The following PDE3B variants were observed in gnomAD, a reference collection of about 807,000 sequenced individuals.
PDE3B encodes cGMP-inhibited 3',5'-cyclic phosphodiesterase 3B.
Under a neutral mutation model 116.8 loss-of-function variants are expected in PDE3B, and 66 were observed. The observed-to-expected ratio is 0.56, with a 90% CI of 0.46 to 0.69. PDE3B has a LOEUF of 0.69. PDE3B is among the 30% of genes least tolerant of loss of function. The pLI is 0.00. For missense variants in PDE3B, 1,384 were observed against 1,368.1 expected (o/e 1.01, Z -0.18); for synonymous variants, 595 against 533.6 (o/e 1.12, Z -1.59).
intron 12 of PDE3B, among the ~76,000 whole-genome samples, chr11:14,856,996 CCTT>C (rs1555006289): frequency 6.6e-6 from 1 of 152,056 alleles, no homozygotes; most frequent in Non-Finnish European, 1.5e-5. Context: ...TGATCTAAGT[CCTT>C]CTTATGTCTG....
Position 14,867,574 on chromosome 11 carries a change from A to G in PDE3B, c.2955A>G (p.Ala985=), listed in dbSNP as rs891773278. 6.2e-7 allele frequency: 1 copy of G among 1,614,086 alleles called. No individual in the cohort carries two copies. Among genetic ancestry groups the G allele is most frequent in the Admixed American group, 1.7e-5 (1 of 60,006 alleles). The part of the protein sequence containing the change: ...PFMDRSSPQL[A]KLQESFITHI... Reference sequence around the variant, plus strand: ...TGGATCGTTCTTCTCCTCAACTAGCAAAACTCCAAGAATCTTTTATCACCC... The same window carrying G: ...TGGATCGTTCTTCTCCTCAACTAGCGAAACTCCAAGAATCTTTTATCACCC... The change falls in exon 15 of 16, where the codon GCA becomes GCG. Residue 985 remains alanine (A), a synonymous_variant. Transcript: ENST00000282096.
intron 1 of PDE3B, among the ~76,000 whole-genome samples, chr11:14,747,324 G>T (rs1437299476): frequency 6.6e-6 from 1 of 152,164 alleles, no homozygotes; most frequent in African/African-American, 2.4e-5. Context: ...TTGTTTCAGA[G>T]TGAATGATAC....
rs551600925 is a variant in PDE3B, at chr11:14,658,206, A to G, written c.978+13153A>G. Among the ~76,000 whole-genome samples the G allele has an allele frequency of 3.6e-4, 55 of 152,320 alleles. 1 individual carries two copies. The highest frequency in any genetic ancestry group is 1.3e-3 in the African/African-American group (53 of 41,572). ...CTAGGGGATAAATAAGTGAAAGGGT[A>G]GAGAGAGTCCAAAAATATTTAGCAA... On this transcript the variant is annotated intron_variant, in intron 1 of 15. Transcript: ENST00000282096.
chr11:14,760,347 A>G (rs1376172459), intron 1 of PDE3B, among the ~76,000 whole-genome samples: 4 of 152,228 alleles, frequency 2.6e-5, no homozygotes, highest in Non-Finnish European at 5.9e-5. Flanking sequence ...TTCTACAGAT[A>G]TTTATTAAAC....
chr11:14,773,806 G>T (rs943983321), intron 2 of PDE3B: 2 of 152,194 alleles, frequency 1.3e-5, no homozygotes, highest in African/African-American at 4.8e-5. Flanking sequence ...ATCTTTTTGA[G>T]GATTTCTACT....
At position 14,832,745 on chromosome 11, in the gene PDE3B, C is replaced by T; in HGVS notation, c.2118C>T (p.Asp706=). 7.0e-7 allele frequency: 1 copy of T among 1,433,456 alleles called. No individual in the cohort carries two copies. The highest frequency in any genetic ancestry group is 1.2e-5 in the South Asian group (1 of 82,162). The allele number at this position is 1,433,456 out of a possible 1,614,324, so 88.8% of individuals were successfully genotyped here. ...AGGTTATGTATACCTTATTTCAAGA[C>T]ACTGGTTTATTGGAAATATTTAAAA... ...LSQVMYTLFQ[D]TGLLEIFKIP... is the part of the protein sequence containing the mutation. The change falls in exon 10 of 16, where the codon GAC becomes GAT. Residue 706 remains aspartate, a synonymous_variant. Coordinates refer to ENST00000282096, the MANE Select transcript of PDE3B (RefSeq NM_000922.4).
intron 5 of PDE3B, among the ~76,000 whole-genome samples, chr11:14,809,086 C>G (rs1859041991): frequency 6.6e-6 from 1 of 152,128 alleles, no homozygotes; most frequent in African/African-American, 2.4e-5. Context: ...CGAGGACTCC[C>G]ACTTTCAAAT....
intron 4 of PDE3B, among the ~76,000 whole-genome samples, chr11:14,798,602 AT>A (rs1402128292): frequency 2.0e-5 from 3 of 152,080 alleles, no homozygotes; most frequent in Non-Finnish European, 2.9e-5. Context: ...TACTGCCTCC[AT>A]TTCAGAGCTT....
intron 13 of PDE3B, 65 bp downstream of exon 13, chr11:14,859,311 GT>G: frequency 9.1e-7 from 1 of 1,096,604 alleles, no homozygotes; most frequent in Non-Finnish European, 1.3e-6. Context: ...GATAAAATAT[GT>G]TTTTTAATGT....
chr11:14,834,495 A>G (rs567412956), intron 10 of PDE3B, among the ~76,000 whole-genome samples: 82 of 152,330 alleles, frequency 5.4e-4, no homozygotes, highest in African/African-American at 1.9e-3. Flanking sequence ...TTTATTGATC[A>G]TATATGATGT....
At chr11:14,852,599 T>C (rs1424204039) in intron 12 of PDE3B, among the ~76,000 whole-genome samples, 2 of 152,218 alleles carry the variant, frequency 1.3e-5, no homozygotes, top group African/African-American at 4.8e-5. Context: ...TGCCATTAGA[T>C]GAAGCCATAG....
At chr11:14,888,978 C>T in the PDE3B span, among the ~76,000 whole-genome samples, 1 of 152,158 alleles carries the variant, frequency 6.6e-6, no homozygotes, top group South Asian at 2.1e-4. Context: ...CAGAATCAAT[C>T]TCCAAGGAAA....
chr11:14,841,362 A>AT (rs1860218160), intron 11 of PDE3B, among the ~76,000 whole-genome samples: 1 of 147,274 alleles, frequency 6.8e-6, no homozygotes, highest in Non-Finnish European at 1.5e-5. Flanking sequence ...TATATATATA[A>AT]AATATATATA....
intron 2 of PDE3B, among the ~76,000 whole-genome samples, chr11:14,782,633 G>T (rs527916120): frequency 6.6e-6 from 1 of 152,130 alleles, no homozygotes; most frequent in Non-Finnish European, 1.5e-5. Flanking sequence ...AGACTTAAAC[G>T]TTAGACCTAA....
At chr11:14,852,788 C>CT (rs1279307985) in intron 12 of PDE3B, among the ~76,000 whole-genome samples, 1 of 152,144 alleles carries the variant, frequency 6.6e-6, no homozygotes, top group Non-Finnish European at 1.5e-5. Flanking sequence ...TTGCCAGGCG[C>CT]TGTGGCTCAC....
intron 7 of PDE3B, among the ~76,000 whole-genome samples, chr11:14,825,919 C>T (rs1027404325): frequency 6.6e-6 from 1 of 152,114 alleles, no homozygotes; most frequent in Non-Finnish European, 1.5e-5. Context: ...GCCAAACATA[C>T]TCCTGGACCA....
At chr11:14,788,085 A>C (rs1253209350) in intron 3 of PDE3B, among the ~76,000 whole-genome samples, 2 of 151,872 alleles carry the variant, frequency 1.3e-5, no homozygotes, top group Non-Finnish European at 2.9e-5. Context: ...GAATCTACTG[A>C]TAGAGTAAGT....
chr11:14,716,352 C>A (rs1030094812), intron 1 of PDE3B, among the ~76,000 whole-genome samples: 71 of 151,970 alleles, frequency 4.7e-4, no homozygotes, highest in Non-Finnish European at 8.8e-4. Flanking sequence ...GAGGGGAGCC[C>A]GCCATTGCCC....
chr11:14,753,205 A>G lies in PDE3B; in HGVS notation c.979-18732A>G, dbSNP rs568178524. The stretch of plus-strand genomic sequence containing the variant: ...AAGTTTTGACTCAGGTGATTTTACA[A>G]TTACAAGCATATTTTCAGTATAGAT... On this transcript the variant is annotated intron_variant, in intron 1 of 15. Transcript: ENST00000282096. Among the ~76,000 whole-genome samples the G allele has an allele frequency of 1.1e-4, 16 of 152,256 alleles. No individual in the cohort carries two copies. The East Asian group carries it at 2.5e-3, about 24-fold the overall frequency.
Sources: allele counts gnomAD v4.1 joint callset (sites outside exome capture counted in the v4.1 genomes callset), GRCh38; gene constraint gnomAD v4.1.1; transcripts MANE v1.5; gene names NCBI Gene and HGNC (gene_info 2026-07-23, HGNC 2026-07-21).